ETS1: variants seen among roughly 807,000 people sequenced by gnomAD.
ETS1 encodes the protein protein C-ets-1.
In ETS1, 15 loss-of-function variants were observed where a neutral mutation model predicts 58.6. That is an observed-to-expected ratio of 0.26 (90% confidence interval 0.17 to 0.39). ETS1 has a LOEUF of 0.39. ETS1 is among the 10% of genes least tolerant of loss of function. The pLI is 1.00. For synonymous variants in ETS1, 214 were observed against 218.2 expected (o/e 0.98, Z 0.17); for missense variants, 417 against 610.5 (o/e 0.68, Z 3.34).
At chr11:128,554,061 C>CG (rs1473992387) in intron 3 of ETS1, among the ~76,000 whole-genome samples, 10 of 152,200 alleles carry the variant, frequency 6.6e-5, no homozygotes, top group Non-Finnish European at 1.2e-4. Context: ...TATAACCCCA[C>CG]AATCCCCGTC....
At chr11:128,544,126 G>T (rs572450811) in intron 3 of ETS1, among the ~76,000 whole-genome samples, 1 of 152,090 alleles carries the variant, frequency 6.6e-6, no homozygotes, top group Non-Finnish European at 1.5e-5. Context: ...TAATGGTATG[G>T]TACTATTAAA....
At position 128,460,845 on chromosome 11, in the gene ETS1, T is replaced by C. The variant is rs1861888760; in HGVS notation, c.*1516A>G. The C allele has an allele frequency of 6.6e-6, 1 of 152,386 alleles. No homozygotes were observed. 9.4% of individuals were successfully genotyped at this position (152,386 alleles called of 1,614,324 possible). ...TCATTCCTCTCTTCTGGAATTAACC[T>C]TCACTTACCCTGTGCCAAGACATCA... On this transcript the variant is annotated 3_prime_UTR_variant, in exon 10 of 10. Coordinates refer to ENST00000392668, the MANE Select transcript of ETS1 (RefSeq NM_001143820.2).
intron 3 of ETS1, among the ~76,000 whole-genome samples, chr11:128,493,035 T>TTATG (rs1265337302): frequency 6.6e-6 from 1 of 152,124 alleles, no homozygotes; most frequent in Non-Finnish European, 1.5e-5. Flanking sequence ...TCCATTAGAT[T>TTATG]TATGACTTGA....
chr11:128,565,029 C>CAAATAAATAAATAAAT (rs6144562), intron 2 of ETS1, among the ~76,000 whole-genome samples: 20,269 of 144,414 alleles, frequency 0.14, 1,498 homozygotes, highest in East Asian at 0.2. Flanking sequence ...CACCAAATAT[C>CAAATAAATAAATAAAT]AAATAAATAA....
At chr11:128,471,303 A>T (rs1862181851) in intron 8 of ETS1, among the ~76,000 whole-genome samples, 1 of 152,284 alleles carries the variant, frequency 6.6e-6, no homozygotes, top group South Asian at 2.1e-4. Context: ...TTATTTGGCC[A>T]GTCTGACTTG....
rs145793592 is a variant in ETS1, at chr11:128,573,095, G to A, written c.36C>T (p.Pro12=). 6,150 of 1,602,914 alleles carry A rather than the reference G, an allele frequency of 3.8e-3. 112 individuals carry two copies. The highest frequency in any genetic ancestry group is 0.038 in the African/African-American group (2,855 of 74,836). The part of the protein sequence containing the change: ...SYFVDSAGSS[P]VPYSAPRPAV... ...CAGGACGAGGCGCTGAGTAAGGGAC[G>A]GGGCTGCTCCCAGCAGAATCCACAA... The change falls in exon 2 of 10, where the codon CCC becomes CCT. Residue 12 remains proline (P), a synonymous_variant. Transcript: ENST00000392668.
intron 8 of ETS1, among the ~76,000 whole-genome samples, chr11:128,479,160 A>T (rs1467718796): frequency 6.6e-6 from 1 of 152,226 alleles, no homozygotes; most frequent in East Asian, 1.9e-4. Context: ...GCTTCCCTGA[A>T]TGCAAAAATA....
intron 1 of ETS1, among the ~76,000 whole-genome samples, chr11:128,585,844 A>C (rs1865021216): frequency 6.6e-6 from 1 of 152,228 alleles, no homozygotes; most frequent in African/African-American, 2.4e-5. Flanking sequence ...CCAAGTGCAC[A>C]GCCACTTTCC....
chr11:128,512,516 T>C (rs538232419), intron 3 of ETS1, among the ~76,000 whole-genome samples: 118 of 152,378 alleles, frequency 7.7e-4, no homozygotes, highest in Middle Eastern at 3.4e-3. Flanking sequence ...AACCCCCATG[T>C]GCGGGCACCG....
At chr11:128,510,893 A>T (rs1162448914) in intron 3 of ETS1, among the ~76,000 whole-genome samples, 1 of 152,202 alleles carries the variant, frequency 6.6e-6, no homozygotes, top group East Asian at 1.9e-4. Flanking sequence ...GACCAAAATA[A>T]GGTCCGGCCA....
At chr11:128,570,891 G>C (rs1156959435) in intron 2 of ETS1, among the ~76,000 whole-genome samples, 1 of 152,228 alleles carries the variant, frequency 6.6e-6, no homozygotes, top group Non-Finnish European at 1.5e-5. Context: ...TTGTCGTGTA[G>C]TGGAGTGTTG....
Position 128,463,672 on chromosome 11 carries a change from A to T in ETS1, c.1124-45T>A. On this transcript the variant is annotated intron_variant, in intron 8 of 9. Coordinates refer to ENST00000392668, the MANE Select transcript of ETS1 (RefSeq NM_001143820.2). This position sits in a 1 kb window ranked among gnomAD's most constrained non-coding sequence, Gnocchi z 4.1. The stretch of plus-strand genomic sequence containing the variant: ...TGAATCATTACACCAGATATTCAGC[A>T]CTCTACGCAGCTAATCCCCACACAC... The T allele has an allele frequency of 9.4e-7, 1 of 1,059,108 alleles. No individual in the cohort carries two copies. The highest frequency in any genetic ancestry group is 2.4e-5 in the East Asian group (1 of 42,046). 65.6% of individuals were successfully genotyped at this position (1,059,108 alleles called of 1,614,324 possible). A position where few individuals can be genotyped will look rare whatever the true frequency, so the allele number is the denominator to read the frequency against.
At chr11:128,546,953 T>C (rs144069482) in intron 3 of ETS1, among the ~76,000 whole-genome samples, 1 of 152,196 alleles carries the variant, frequency 6.6e-6, no homozygotes, top group East Asian at 1.9e-4. Context: ...TTTAGGGAGG[T>C]CCCAGGTCCA....
At chr11:128,539,968 G>A (rs959770665) in intron 3 of ETS1, among the ~76,000 whole-genome samples, 2 of 152,202 alleles carry the variant, frequency 1.3e-5, no homozygotes, top group Non-Finnish European at 2.9e-5. Flanking sequence ...CAGGAAGAAT[G>A]AGAAAGAATG....
intron 7 of ETS1, among the ~76,000 whole-genome samples, chr11:128,484,283 A>G (rs1449114220): frequency 6.6e-6 from 1 of 152,202 alleles, no homozygotes; most frequent in Non-Finnish European, 1.5e-5. Flanking sequence ...GGTTCCAAAT[A>G]AACCGTTGGT....
chr11:128,552,742 G>T (rs1435557558), intron 3 of ETS1, among the ~76,000 whole-genome samples: 5 of 152,112 alleles, frequency 3.3e-5, no homozygotes, highest in African/African-American at 1.2e-4. Flanking sequence ...TGTCCTGTGT[G>T]CTCAGCTGGG....
At chr11:128,519,255 T>C (rs929983538) in intron 3 of ETS1, among the ~76,000 whole-genome samples, 2 of 152,136 alleles carry the variant, frequency 1.3e-5, no homozygotes, top group African/African-American at 2.4e-5. Flanking sequence ...TAAAGGTTCT[T>C]GGTCAGGTCC....
At chr11:128,521,702 C>G (rs1405650162) in intron 3 of ETS1, among the ~76,000 whole-genome samples, 1 of 152,234 alleles carries the variant, frequency 6.6e-6, no homozygotes, top group African/African-American at 2.4e-5. Flanking sequence ...AATACCACCC[C>G]CCAAACCAAG....
At position 128,469,612 on chromosome 11, in the gene ETS1, A is replaced by G. The variant is rs530326319; in HGVS notation, c.1124-5985T>C. 5.3e-5 allele frequency among the ~76,000 whole-genome samples: 8 copies of G among 152,324 alleles called. No individual in the cohort carries two copies. The East Asian group carries it at 1.5e-3, about 29-fold the overall frequency. The stretch of plus-strand genomic sequence containing the variant: ...TGATTTCCATTAAGTTTAAGGACAA[A>G]ACAGAAAACATCCTGACAGTTTCTT... On this transcript the variant is annotated intron_variant, in intron 8 of 9. Coordinates refer to ENST00000392668, the MANE Select transcript of ETS1 (RefSeq NM_001143820.2).
Sources: gnomAD v4.1 joint callset for allele counts (sites outside exome capture counted in the v4.1 genomes callset) on GRCh38, gnomAD v4.1.1 for gene constraint, Gnocchi (gnomAD v3.1) non-coding constraint, MANE v1.5 for transcripts, NCBI Gene and HGNC (gene_info 2026-07-23, HGNC 2026-07-21) for gene names.